The following POLA2 variants were observed in gnomAD, a reference collection of about 807,000 sequenced individuals.
POLA2 encodes the protein DNA polymerase alpha 2, accessory subunit.
In POLA2, 47 loss-of-function variants were observed where a neutral mutation model predicts 82.8. The ratio of observed to expected loss-of-function variants is 0.57; its 90% confidence interval spans 0.45 to 0.72. POLA2 has a LOEUF of 0.72. POLA2 is among the 30% of genes least tolerant of loss of function. The pLI is 0.00. For synonymous variants in POLA2, 287 were observed against 286.8 expected (o/e 1.00, Z -0.01); for missense variants, 634 against 728.1 (o/e 0.87, Z 1.49).
In POLA2 at chr11:65,297,277, G is replaced by T. The variant is rs1949822008; in HGVS notation, c.*8G>T. The T allele has an allele frequency of 6.3e-7, 1 of 1,596,232 alleles. No homozygotes were observed. Among genetic ancestry groups the T allele is most frequent in the African/African-American group, 1.3e-5 (1 of 74,332 alleles). Reference sequence around the variant, plus strand: ...CAGGTCGTCAGGATCTGAGGCTTCTGTCCTCTGCTGTTCTCTGCTGTGTGG... The same window carrying T: ...CAGGTCGTCAGGATCTGAGGCTTCTTTCCTCTGCTGTTCTCTGCTGTGTGG... On this transcript the variant is annotated 3_prime_UTR_variant, in exon 18 of 18. Coordinates refer to ENST00000265465, the MANE Select transcript of POLA2 (RefSeq NM_002689.4).
chr11:65,268,795 G>T, intron 4 of POLA2, 66 bp downstream of exon 4: 1 of 1,066,162 alleles, frequency 9.4e-7, no homozygotes, highest in East Asian at 2.7e-5. Context: ...CACAACATTT[G>T]AAGATCTGAG....
In POLA2 at chr11:65,281,774, A is replaced by G. The variant is rs762661014; in HGVS notation, c.963+42A>G. On this transcript the variant is annotated intron_variant, in intron 9 of 17. Coordinates refer to ENST00000265465, the MANE Select transcript of POLA2 (RefSeq NM_002689.4). ...CCACTTGCCTCTTGGTTTGCTTCAG[A>G]CAAAGTATGTCTGGAAGCTGTCTGT... 7 of 1,463,532 alleles carry G rather than the reference A, an allele frequency of 4.8e-6. No homozygotes were observed. The Admixed American group carries it at 1.0e-4, about 21-fold the overall frequency. 90.7% of individuals were successfully genotyped at this position (1,463,532 alleles called of 1,614,324 possible). A position where few individuals can be genotyped will look rare whatever the true frequency, so the allele number is the denominator to read the frequency against.
Position 65,275,920 on chromosome 11 carries a change from C to T in POLA2, c.383C>T (p.Pro128Leu), listed in dbSNP as rs756681528. ...TCTCAGAAGCGAGCTATCTCTACCC[C>T]AGAAACCCCCCTAACAAAAAGGAGT... ...KGSQKRAIST[P>L]ETPLTKRSVS... is the part of the protein sequence containing the mutation. The change falls in exon 5 of 18, where the codon CCA becomes CTA. Residue 128 changes from proline (P) to leucine (L), a missense_variant. Coordinates refer to ENST00000265465, the MANE Select transcript of POLA2 (RefSeq NM_002689.4). 2.5e-6 allele frequency: 4 copies of T among 1,608,376 alleles called. No individual in the cohort carries two copies. The South Asian group carries it at 3.3e-5, about 13-fold the overall frequency.
intron 15 of POLA2, among the ~76,000 whole-genome samples, chr11:65,295,249 A>C (rs912211699): frequency 6.6e-6 from 1 of 152,196 alleles, no homozygotes; most frequent in African/African-American, 2.4e-5. Context: ...GATGGTGCCA[A>C]CTTTGCATCC....
chr11:65,274,228 T>C (rs916639335), intron 4 of POLA2, among the ~76,000 whole-genome samples: 5 of 151,818 alleles, frequency 3.3e-5, no homozygotes, highest in African/African-American at 9.7e-5. Flanking sequence ...GGTGCATGCC[T>C]GTAGTCCCAG....
intron 13 of POLA2, among the ~76,000 whole-genome samples, chr11:65,291,162 G>A (rs2137577339): frequency 6.6e-6 from 1 of 152,160 alleles, no homozygotes; most frequent in Middle Eastern, 3.4e-3. Flanking sequence ...ATAGGTGGTA[G>A]ATCTCCTCAC....
downstream of POLA2, among the ~76,000 whole-genome samples, chr11:65,299,233 C>T (rs1019297738): frequency 6.6e-6 from 1 of 152,216 alleles, no homozygotes; most frequent in Admixed American, 6.5e-5. Context: ...GTGGCCTCTC[C>T]CTGATCTGGT....
rs763436090 is a variant in POLA2, at chr11:65,278,917, C to T, written c.649C>T (p.Arg217Ter). 4 of 1,612,738 alleles carry T rather than the reference C, an allele frequency of 2.5e-6. No homozygotes were observed. The highest frequency in any genetic ancestry group is 1.1e-5 in the South Asian group (1 of 90,998). ...KSMFQKLPDIREVLTCKIEEL... is the reference protein window; with the variant it reads ...KSMFQKLPDI ...CATGTTTCAGAAGCTCCCAGACATT[C>T]GAGAAGGTGATTGTTTTTCCCTTTG... Residue 217 changes from arginine to a stop codon, truncating the protein, a stop_gained, in exon 6 of 18, where the codon CGA (arginine) becomes TGA (stop). Coordinates refer to ENST00000265465, the MANE Select transcript of POLA2 (RefSeq NM_002689.4). LOFTEE classifies it high-confidence loss of function.
downstream of POLA2, among the ~76,000 whole-genome samples, chr11:65,300,492 TC>T (rs1199887461): frequency 6.6e-6 from 1 of 151,872 alleles, no homozygotes; most frequent in African/African-American, 2.4e-5. Flanking sequence ...CCTCAGGTGA[TC>T]CACTCGCCTC....
chr11:65,263,323 G>C (rs1949421633), intron 1 of POLA2, among the ~76,000 whole-genome samples: 1 of 149,604 alleles, frequency 6.7e-6, no homozygotes, highest in Non-Finnish European at 1.5e-5. Flanking sequence ...AGGTTCAAGC[G>C]ATTCTCCTGC....
At chr11:65,271,375 A>G (rs944605602) in intron 4 of POLA2, among the ~76,000 whole-genome samples, 2 of 152,220 alleles carry the variant, frequency 1.3e-5, no homozygotes, top group African/African-American at 4.8e-5. Context: ...TTGTCTGTGT[A>G]TCCAGAATTG....
At chr11:65,300,756 AT>A (rs1458450685), downstream of POLA2, among the ~76,000 whole-genome samples, 13 of 151,920 alleles carry the variant, frequency 8.6e-5, no homozygotes, top group African/African-American at 2.9e-4. Context: ...TGATTTTTGT[AT>A]TTTTAGTAGA....
intron 17 of POLA2, among the ~76,000 whole-genome samples, chr11:65,296,876 G>C (rs922213760): frequency 5.9e-4 from 89 of 151,122 alleles, no homozygotes; most frequent in African/African-American, 2.1e-3. Flanking sequence ...TGGAACCCGG[G>C]AGGTCGAGGC....
At position 65,279,633 on chromosome 11, in the gene POLA2, G is replaced by C; in HGVS notation, c.744+7G>C. 6.3e-7 allele frequency: 1 copy of C among 1,592,114 alleles called. No homozygotes were observed. Among genetic ancestry groups the C allele is most frequent in the Non-Finnish European group, 8.6e-7 (1 of 1,161,478 alleles). ...TTTGCTAGCCCCAGCACAGGTAAGA[G>C]TTGTTCTAATAGTTCTCACTAATTA... On this transcript the variant is annotated splice_region_variant and intron_variant, in intron 7 of 17. Coordinates refer to ENST00000265465, the MANE Select transcript of POLA2 (RefSeq NM_002689.4).
chr11:65,289,192 GTCCTGTGGCTAA>G, intron 12 of POLA2, 104 bp downstream of exon 12: 1 of 832,010 alleles, frequency 1.2e-6, no homozygotes, highest in Admixed American at 2.4e-5. Context: ...AACACATTAA[GTCCTGTGGCTAA>G]TCAGAAAATC....
At chr11:65,301,989 G>C (rs552463615), downstream of POLA2, among the ~76,000 whole-genome samples, 11 of 152,224 alleles carry the variant, frequency 7.2e-5, no homozygotes, top group African/African-American at 2.6e-4. Flanking sequence ...ATCCTGCCCC[G>C]CCTCTTCCCG....
chr11:65,279,017 CCAA>C, intron 6 of POLA2, 94 bp downstream of exon 6: 1 of 1,132,790 alleles, frequency 8.8e-7, no homozygotes, highest in Non-Finnish European at 1.2e-6. Flanking sequence ...AGAACAAGTT[CCAA>C]GGTTGCCTTT....
chr11:65,287,901 C>T, intron 11 of POLA2, 61 bp downstream of exon 11: 1 of 1,549,276 alleles, frequency 6.5e-7, no homozygotes, highest in Non-Finnish European at 8.8e-7. Flanking sequence ...TAATGAAGTT[C>T]TAAATTTTTA....
rs1426596650 is a variant in POLA2 at position 65,279,588 on chromosome 11, A to G, written c.706A>G (p.Lys236Glu). The change falls in exon 7 of 18, where the codon AAG (lysine) becomes GAG (glutamate). Residue 236 changes from lysine (K) to glutamate (E), a missense_variant. Lys to Glu is a moderately conservative substitution (Grantham distance 56, BLOSUM62 1). Transcript: ENST00000265465. ...TGGCAGCGAACTCAAGGAACATTAC[A>G]AGATTGAAGCTTTCACTCCTTTGCT... ...ELGSELKEHY[K>E]IEAFTPLLAP... is the part of the protein sequence containing the mutation. 6.2e-7 allele frequency: 1 copy of G among 1,613,884 alleles called. No homozygotes were observed. The highest frequency in any genetic ancestry group is 1.7e-5 in the Admixed American group (1 of 60,020).
Sources: allele counts gnomAD v4.1 joint callset (sites outside exome capture counted in the v4.1 genomes callset), GRCh38; gene constraint gnomAD v4.1.1; transcripts MANE v1.5; gene names NCBI Gene and HGNC (gene_info 2026-07-23, HGNC 2026-07-21).